Variants in DLG5 observed in about 807,000 individuals in gnomAD.
The protein encoded by DLG5 is discs large MAGUK scaffold protein 5.
Under a neutral mutation model 189.8 loss-of-function variants are expected in DLG5, and 48 were observed. The observed-to-expected ratio is 0.25, with a 90% confidence interval of 0.20 to 0.32. DLG5 has a LOEUF of 0.32. Ranked by LOEUF, DLG5 falls within the 10% of genes least tolerant of loss-of-function variation. The pLI is 1.00. For synonymous variants in DLG5, 1,016 were observed against 1,054.1 expected, an observed-to-expected ratio of 0.96 and a Z score of 0.70; for missense variants, 2,160 against 2,544.7, an observed-to-expected ratio of 0.85 and a Z score of 3.25.
the DLG5 span, among the ~76,000 whole-genome samples, chr10:77,938,781 T>C: frequency 2.0e-5 from 3 of 152,228 alleles, no homozygotes; most frequent in Non-Finnish European, 4.4e-5. Context: ...TCTGAAGCTG[T>C]GCATTTCTAC....
intron 7 of DLG5, 117 bp downstream of exon 7, chr10:77,841,763 GA>G (rs1843426893): frequency 8.4e-7 from 1 of 1,196,206 alleles, no homozygotes; most frequent in African/African-American, 1.5e-5. Flanking sequence ...GGCCTCCAGT[GA>G]GAAGCCATTT....
At chr10:77,795,457 C>A (rs1265904153) in intron 29 of DLG5, among the ~76,000 whole-genome samples, 1 of 152,118 alleles carries the variant, frequency 6.6e-6, no homozygotes, top group African/African-American at 2.4e-5. Context: ...CCACTTTCAG[C>A]AGTGAGAAGC....
intron 2 of DLG5, among the ~76,000 whole-genome samples, chr10:77,865,709 G>T (rs1301183844): frequency 6.6e-6 from 1 of 152,150 alleles, no homozygotes; most frequent in African/African-American, 2.4e-5. Flanking sequence ...GTCGGGGGCA[G>T]GTCACAACAA....
chr10:77,935,227 A>G, the DLG5 span, among the ~76,000 whole-genome samples: 3 of 152,044 alleles, frequency 2.0e-5, no homozygotes, highest in Non-Finnish European at 1.5e-5. Context: ...AACAATCCCC[A>G]ATGAGCTATG....
chr10:77,914,724 G>C (rs1285492307), intron 1 of DLG5, among the ~76,000 whole-genome samples: 2 of 151,970 alleles, frequency 1.3e-5, no homozygotes, highest in Admixed American at 6.6e-5. Context: ...TCCTAGCCCA[G>C]AACCTCCCAG....
chr10:77,829,066 T>A, intron 12 of DLG5, 81 bp from the exon 13 acceptor site: 1 of 1,444,748 alleles, frequency 6.9e-7, no homozygotes, highest in Non-Finnish European at 9.6e-7. Flanking sequence ...TTTGTTACCA[T>A]CTTCTTACAA....
At chr10:77,839,111 T>C (rs1050419383) in intron 7 of DLG5, among the ~76,000 whole-genome samples, 1 of 152,228 alleles carries the variant, frequency 6.6e-6, no homozygotes. Flanking sequence ...GGAGGTCTCA[T>C]TGCTGGACGC....
intron 27 of DLG5, among the ~76,000 whole-genome samples, 170 bp downstream of exon 27, chr10:77,805,495 T>A (rs1462242523): frequency 6.6e-6 from 1 of 152,152 alleles, no homozygotes; most frequent in Non-Finnish European, 1.5e-5. Flanking sequence ...ACCCCATAGA[T>A]GTGGCTCTGA....
At chr10:77,860,602 T>C (rs1021398372) in intron 2 of DLG5, among the ~76,000 whole-genome samples, 3 of 152,192 alleles carry the variant, frequency 2.0e-5, no homozygotes, top group Non-Finnish European at 4.4e-5. Flanking sequence ...CACCCGGCCA[T>C]GCCTGGCAGT....
At chr10:77,800,564 C>T (rs1040754138) in intron 27 of DLG5, among the ~76,000 whole-genome samples, 2 of 152,084 alleles carry the variant, frequency 1.3e-5, no homozygotes, top group South Asian at 2.1e-4. Context: ...GGCACGGGGC[C>T]GCCGCTGAGG....
intron 1 of DLG5, among the ~76,000 whole-genome samples, chr10:77,912,886 G>A (rs1298922638): frequency 6.6e-5 from 10 of 152,128 alleles, no homozygotes; most frequent in Admixed American, 1.3e-4. Context: ...CCAAAAGCAA[G>A]CAGACCAGTG....
intron 1 of DLG5, among the ~76,000 whole-genome samples, chr10:77,906,304 G>A (rs1846067928): frequency 6.6e-6 from 1 of 152,234 alleles, no homozygotes; most frequent in South Asian, 2.1e-4. Context: ...ACCAGTCTAA[G>A]AGGTGAAACA....
rs761254431 is a variant in DLG5, at chr10:77,819,451, T to A, written c.3541A>T (p.Ser1181Cys). The stretch of plus-strand genomic sequence containing the variant: ...CTCACAGTGGTGCTGGGGGTCAAAC[T>A]CCGGGGAACAGTGCCTAGAAATGGG... ...SRPSVGTVPR[S>C]LTPSTTVSSI... Residue 1181 changes from serine to cysteine, a missense_variant, in exon 17 of 32, where the codon AGT becomes TGT. Physicochemically the swap from Ser to Cys is moderately radical, Grantham distance 112. This residue lies in a region of DLG5 where 754 missense variants were observed against 746.5 expected (regional missense o/e 1.01). Transcript: ENST00000372391. 7 of 1,613,122 alleles carry A rather than the reference T, an allele frequency of 4.3e-6. No individual in the cohort carries two copies. The highest frequency in any genetic ancestry group is 5.9e-6 in the Non-Finnish European group (7 of 1,179,892).
In DLG5 at chr10:77,853,394, T is replaced by G; in HGVS notation, c.824A>C (p.Asp275Ala). ...WEDMKRLHEE[D>A]QKEIGDLRAQ... is the part of the protein sequence containing the mutation. ...ACGGAGGTCACCGATCTCCTTCTGG[T>G]CCTCCTCGTGGAGCCGCTTCATGTC... Residue 275 changes from aspartate (D) to alanine (A), a missense_variant, in exon 5 of 32, where the codon GAC becomes GCC. Physicochemically the swap from Asp to Ala is moderately radical, Grantham distance 126 (BLOSUM62 -2). Coordinates refer to ENST00000372391, the MANE Select transcript of DLG5 (RefSeq NM_004747.4). 1 of 1,601,228 alleles carries G rather than the reference T, an allele frequency of 6.2e-7. No individual in the cohort carries two copies. The highest frequency in any genetic ancestry group is 8.5e-7 in the Non-Finnish European group (1 of 1,173,358).
intron 6 of DLG5, 99 bp downstream of exon 6, chr10:77,843,348 T>A (rs1276790922): frequency 6.9e-7 from 1 of 1,447,298 alleles, no homozygotes; most frequent in African/African-American, 1.4e-5. Context: ...ATTTTTTGAT[T>A]GAAAAAGCAC....
chr10:77,841,599 G>A (rs960246999), intron 7 of DLG5, among the ~76,000 whole-genome samples: 6 of 152,164 alleles, frequency 3.9e-5, no homozygotes, highest in African/African-American at 7.2e-5. Context: ...CTGCAATTAC[G>A]TAGCAATGGG....
intron 13 of DLG5, among the ~76,000 whole-genome samples, chr10:77,825,332 G>A (rs945030598): frequency 8.2e-5 from 12 of 146,320 alleles, no homozygotes; most frequent in Admixed American, 5.0e-4. Flanking sequence ...TCTTCATTAC[G>A]GTGGTGGTTA....
intron 1 of DLG5, among the ~76,000 whole-genome samples, chr10:77,910,728 T>C (rs1375776263): frequency 2.0e-5 from 3 of 152,164 alleles, no homozygotes; most frequent in Admixed American, 2.0e-4. Flanking sequence ...TCCCAGCACT[T>C]TGGGGGGCCA....
chr10:77,821,764 A>T lies in DLG5; in HGVS notation c.2720T>A (p.Leu907Gln). 6.2e-7 allele frequency: 1 copy of T among 1,609,794 alleles called. No homozygotes were observed. Among genetic ancestry groups the T allele is most frequent in the Non-Finnish European group, 8.5e-7 (1 of 1,178,410 alleles). ...SDASGDRGFGLVDVRGRRPLL... is the reference protein window; with the variant it reads ...SDASGDRGFGQVDVRGRRPLL... Reference sequence around the variant, plus strand: ...TGGCCGCCGGCCACGCACGTCCACCAGCCCAAAGCCACGGTCCCCAGAGGC... The same window carrying T: ...TGGCCGCCGGCCACGCACGTCCACCTGCCCAAAGCCACGGTCCCCAGAGGC... The change falls in exon 15 of 32, where the codon CTG becomes CAG. Residue 907 changes from leucine (L) to glutamine (Q), a missense_variant. By Grantham distance (113) the Leu-to-Gln change is moderately radical. Around this residue, in one of 5 missense-constraint regions of DLG5, gnomAD observed 754 missense variants for 746.5 expected, o/e 1.01. Coordinates refer to ENST00000372391, the MANE Select transcript of DLG5 (RefSeq NM_004747.4).
Sources: allele counts gnomAD v4.1 joint callset (sites outside exome capture counted in the v4.1 genomes callset), GRCh38; gene constraint gnomAD v4.1.1; regional missense constraint gnomAD v4.1.1; transcripts MANE v1.5; gene names NCBI Gene and HGNC (gene_info 2026-07-23, HGNC 2026-07-21).